The following L3MBTL4 variants were observed in gnomAD, a reference collection of about 807,000 sequenced individuals.
The protein encoded by L3MBTL4 is L3MBTL histone methyl-lysine binding protein 4.
Under a neutral mutation model 84.5 loss-of-function variants are expected in L3MBTL4, and 70 were observed. That is an observed-to-expected ratio of 0.83 (90% CI 0.68 to 1.01). The LOEUF is 1.01. L3MBTL4 is among the 50% of genes least tolerant of loss of function. L3MBTL4 has a pLI of 0.00. For synonymous variants in L3MBTL4, 274 were observed against 259.8 expected, an observed-to-expected ratio of 1.05 and a Z score of -0.52; for missense variants, 715 against 754.8, an observed-to-expected ratio of 0.95 and a Z score of 0.62.
intron 13 of L3MBTL4, among the ~76,000 whole-genome samples, chr18:6,143,470 A>G (rs58909956): frequency 0.03 from 4,530 of 152,326 alleles, 246 homozygotes; most frequent in African/African-American, 0.1. Flanking sequence ...ATGAGACAAG[A>G]AGCCATCCAC....
At chr18:5,964,727 T>A (rs2052253713) in intron 17 of L3MBTL4, among the ~76,000 whole-genome samples, 1 of 152,166 alleles carries the variant, frequency 6.6e-6, no homozygotes. Flanking sequence ...AAAGTACCCA[T>A]ACGTGCACCA....
chr18:5,995,349 A>G (rs1415642572), intron 16 of L3MBTL4, among the ~76,000 whole-genome samples: 2 of 152,240 alleles, frequency 1.3e-5, no homozygotes, highest in South Asian at 2.1e-4. Flanking sequence ...TGCCCTGTGA[A>G]GCCATGCCGG....
intron 1 of L3MBTL4, among the ~76,000 whole-genome samples, chr18:6,380,081 C>G (rs2054535095): frequency 6.6e-6 from 1 of 152,144 alleles, no homozygotes; most frequent in Non-Finnish European, 1.5e-5. Context: ...TCCATCTCTT[C>G]TAGATTTTCT....
intron 4 of L3MBTL4, among the ~76,000 whole-genome samples, chr18:6,283,104 A>G (rs2049398757): frequency 6.6e-6 from 1 of 152,070 alleles, no homozygotes; most frequent in South Asian, 2.1e-4. Flanking sequence ...TTCATCCCAA[A>G]ATAATTAACA....
chr18:6,129,366 C>CTGTG (rs761956097), intron 14 of L3MBTL4, among the ~76,000 whole-genome samples: 4,782 of 138,932 alleles, frequency 0.034, 90 homozygotes, highest in African/African-American at 0.057. Context: ...CTGGAATTCT[C>CTGTG]TCTGTGTGTG....
chr18:6,179,120 C>T (rs536839151), intron 12 of L3MBTL4, among the ~76,000 whole-genome samples: 31 of 152,158 alleles, frequency 2.0e-4, no homozygotes, highest in Non-Finnish European at 4.0e-4. Context: ...ATTTTATTAG[C>T]CTAAGTGACT....
At chr18:6,241,799 C>T (rs2146126485) in intron 7 of L3MBTL4, among the ~76,000 whole-genome samples, 1 of 152,296 alleles carries the variant, frequency 6.6e-6, no homozygotes, top group Admixed American at 6.5e-5. Context: ...ATGGGAGTCT[C>T]ATCGCCCATT....
chr18:6,188,351 A>C (rs900234112), intron 12 of L3MBTL4, among the ~76,000 whole-genome samples: 11 of 151,312 alleles, frequency 7.3e-5, no homozygotes, highest in African/African-American at 2.7e-4. Context: ...TTATTAATAA[A>C]TTAATAAATA....
chr18:6,371,394 C>T (rs1197622770), intron 1 of L3MBTL4, among the ~76,000 whole-genome samples: 2 of 152,180 alleles, frequency 1.3e-5, no homozygotes, highest in African/African-American at 4.8e-5. Flanking sequence ...GGGCTGGTTA[C>T]TCTGTAAGCG....
chr18:6,247,780 C>T (rs1251682378), intron 5 of L3MBTL4, among the ~76,000 whole-genome samples: 1 of 151,672 alleles, frequency 6.6e-6, no homozygotes, highest in Non-Finnish European at 1.5e-5. Context: ...CAGGCCCTTC[C>T]TCTGATTTTT....
intron 13 of L3MBTL4, among the ~76,000 whole-genome samples, chr18:6,163,366 T>A (rs2043462649): frequency 6.7e-6 from 1 of 148,536 alleles, no homozygotes; most frequent in Non-Finnish European, 1.5e-5. Context: ...TTGAACCACA[T>A]CACAAGCATG....
intron 16 of L3MBTL4, among the ~76,000 whole-genome samples, chr18:6,010,589 A>G (rs148819280): frequency 1.4e-4 from 21 of 152,268 alleles, no homozygotes; most frequent in Non-Finnish European, 2.5e-4. Flanking sequence ...TGTTTCTTCA[A>G]TTTTTATCAG....
At chr18:6,044,432 TA>T (rs1308978974) in intron 16 of L3MBTL4, among the ~76,000 whole-genome samples, 1 of 152,146 alleles carries the variant, frequency 6.6e-6, no homozygotes, top group Non-Finnish European at 1.5e-5. Context: ...AACTGGCATG[TA>T]AGAAGGTGTT....
intron 12 of L3MBTL4, among the ~76,000 whole-genome samples, chr18:6,209,988 T>C (rs949080830): frequency 6.6e-6 from 1 of 151,986 alleles, no homozygotes; most frequent in Non-Finnish European, 1.5e-5. Context: ...AGGGGCTTGG[T>C]TGGGTAGAAG....
intron 15 of L3MBTL4, among the ~76,000 whole-genome samples, chr18:6,089,582 G>A (rs868328567): frequency 5.3e-5 from 8 of 152,236 alleles, no homozygotes; most frequent in South Asian, 2.1e-4. Flanking sequence ...TGAATTGCAC[G>A]TGGGATTTTT....
chr18:6,330,804 G>A (rs2051994692), intron 1 of L3MBTL4, among the ~76,000 whole-genome samples: 2 of 152,120 alleles, frequency 1.3e-5, no homozygotes, highest in Non-Finnish European at 2.9e-5. Flanking sequence ...TTTCTATGTA[G>A]CAGATCTGAT....
chr18:6,195,336 G>A (rs1481562646), intron 12 of L3MBTL4, among the ~76,000 whole-genome samples: 2 of 152,234 alleles, frequency 1.3e-5, no homozygotes, highest in Non-Finnish European at 2.9e-5. Context: ...ACATGTGGAT[G>A]TCCGCTACCC....
At chr18:6,067,248 C>G (rs1209576364) in intron 16 of L3MBTL4, among the ~76,000 whole-genome samples, 1 of 152,142 alleles carries the variant, frequency 6.6e-6, no homozygotes, top group African/African-American at 2.4e-5. Flanking sequence ...TTCATGTAGA[C>G]TTTAGATAGC....
chr18:6,311,773 C>T (rs2050845635), intron 2 of L3MBTL4, 117 bp from the exon 3 acceptor site: 2 of 638,816 alleles, frequency 3.1e-6, no homozygotes, highest in South Asian at 3.8e-5. Flanking sequence ...CTATAAATAA[C>T]CTGATAAGTT....
Sources: gnomAD v4.1 joint callset for allele counts (sites outside exome capture counted in the v4.1 genomes callset) on GRCh38, gnomAD v4.1.1 for gene constraint, MANE v1.5 for transcripts, NCBI Gene and HGNC (gene_info 2026-07-23, HGNC 2026-07-21) for gene names.